CPNE9: variants seen among roughly 807,000 people sequenced by gnomAD.
The protein encoded by CPNE9 is copine-9.
In CPNE9, 59 loss-of-function variants were observed where a neutral mutation model predicts 83.0. That is an observed-to-expected ratio of 0.71 (90% CI 0.58 to 0.88). CPNE9 has a LOEUF of 0.88. CPNE9 is among the 40% of genes least tolerant of loss of function. CPNE9 has a pLI of 0.00. For missense variants in CPNE9, 619 were observed against 720.8 expected, an observed-to-expected ratio of 0.86 and a Z score of 1.62; for synonymous variants, 256 against 273.4, an observed-to-expected ratio of 0.94 and a Z score of 0.63.
chr3:9,705,172 G>GT, intron 4 of CPNE9, 178 bp downstream of exon 4: 1 of 652,818 alleles, frequency 1.5e-6, no homozygotes, highest in Non-Finnish European at 2.8e-6. Context: ...GTCCAGTTCC[G>GT]TCCCCCGCTC....
At chr3:9,710,499 G>T (rs1328510158) in intron 7 of CPNE9, among the ~76,000 whole-genome samples, 4 of 152,230 alleles carry the variant, frequency 2.6e-5, no homozygotes, top group African/African-American at 9.6e-5. Context: ...TGAGGAGAAA[G>T]AAGGAGTGAA....
In CPNE9 at chr3:9,715,309, T is replaced by A; in HGVS notation, c.713T>A (p.Phe238Tyr). ...RDGSHDFIGE[F>Y]TTSYRELSKA... ...TGCAGCCACGATTTCATTGGTGAGT[T>A]CACCACCAGCTACCGGGAGCTGAGC... The change falls in exon 12 of 21, where the codon TTC (phenylalanine) becomes TAC (tyrosine). Residue 238 changes from phenylalanine to tyrosine, a missense_variant. Coordinates refer to ENST00000383832, the MANE Select transcript of CPNE9 (RefSeq NM_153635.3). The A allele has an allele frequency of 1.2e-6, 2 of 1,614,194 alleles. No homozygotes were observed. The highest frequency in any genetic ancestry group is 1.7e-6 in the Non-Finnish European group (2 of 1,180,028).
At position 9,704,087 on chromosome 3, in the gene CPNE9, G is replaced by GT; in HGVS notation, c.68+23_68+24insT. On this transcript the variant is annotated intron_variant, in intron 1 of 20. Transcript: ENST00000383832. The surrounding 1 kb of genome is among the most constrained non-coding windows in gnomAD (Gnocchi z 7.1). ...CCGGTGAGCGGGCCGCGCTGGGGAG[G>GT]GCTTAGGCACTGGCACTGCCCCAGC... The GT allele has an allele frequency of 6.3e-7, 1 of 1,598,210 alleles. No individual in the cohort carries two copies. The highest frequency in any genetic ancestry group is 8.5e-7 in the Non-Finnish European group (1 of 1,173,466).
intron 20 of CPNE9, among the ~76,000 whole-genome samples, chr3:9,728,790 C>T (rs1355666144): frequency 1.3e-5 from 2 of 151,472 alleles, no homozygotes; most frequent in Non-Finnish European, 2.9e-5. Flanking sequence ...TCCCTAAGTC[C>T]CTCTCCTAGG....
chr3:9,710,023 A>C (rs1352328979), intron 7 of CPNE9, among the ~76,000 whole-genome samples: 1 of 151,626 alleles, frequency 6.6e-6, no homozygotes, highest in Non-Finnish European at 1.5e-5. Context: ...AAAATTTAAC[A>C]TGAGATAAAT....
chr3:9,715,967 C>T lies in CPNE9; in HGVS notation c.823-7C>T. ...AAAGTGCCAGGGCTGCCTATTCTGT[C>T]CCACAGGTGACGCTGCTCTCCTTCT... On this transcript the variant is annotated splice_polypyrimidine_tract_variant and splice_region_variant and intron_variant, in intron 13 of 20. Coordinates refer to ENST00000383832, the MANE Select transcript of CPNE9 (RefSeq NM_153635.3). 6.2e-7 allele frequency: 1 copy of T among 1,610,706 alleles called. No homozygotes were observed. Among genetic ancestry groups the T allele is most frequent in the Non-Finnish European group, 8.5e-7 (1 of 1,178,418 alleles).
intron 18 of CPNE9, 73 bp from the exon 19 acceptor site, chr3:9,726,592 A>C: frequency 3.4e-6 from 4 of 1,165,964 alleles, no homozygotes; most frequent in Non-Finnish European, 5.1e-6. Flanking sequence ...ACATACACAG[A>C]GAACTGTCTC....
chr3:9,707,812 G>T (rs916151896), intron 7 of CPNE9, among the ~76,000 whole-genome samples: 5 of 149,860 alleles, frequency 3.3e-5, no homozygotes, highest in Admixed American at 2.0e-4. Flanking sequence ...AAAAAAACGT[G>T]AAGGAGAAGC....
intron 20 of CPNE9, among the ~76,000 whole-genome samples, chr3:9,727,692 G>A (rs1221508379): frequency 1.3e-5 from 2 of 152,214 alleles, no homozygotes; most frequent in African/African-American, 4.8e-5. Flanking sequence ...CTGAGTGTGA[G>A]GAGGGAGGCA....
Position 9,704,711 on chromosome 3 carries a change from C to G in CPNE9, c.110-38C>G, listed in dbSNP as rs980938286. On this transcript the variant is annotated intron_variant, in intron 2 of 20. Transcript: ENST00000383832. This position sits in a 1 kb window ranked among gnomAD's most constrained non-coding sequence, Gnocchi z 7.1. ...GTGGAGTCGGGGCCAGGGGTGGGAG[C>G]CGACCTGACGTCCTTCCCTCCCCGC... 1.9e-6 allele frequency: 3 copies of G among 1,611,050 alleles called. No individual in the cohort carries two copies. The highest frequency in any genetic ancestry group is 2.5e-6 in the Non-Finnish European group (3 of 1,178,198).
At chr3:9,711,601 C>A (rs982012106) in intron 7 of CPNE9, among the ~76,000 whole-genome samples, 1 of 152,188 alleles carries the variant, frequency 6.6e-6, no homozygotes, top group Non-Finnish European at 1.5e-5. Flanking sequence ...AGAAATAGTT[C>A]AACTCTCATT....
intron 10 of CPNE9, among the ~76,000 whole-genome samples, chr3:9,713,947 C>T (rs968727427): frequency 6.6e-6 from 1 of 152,004 alleles, no homozygotes. Context: ...GTGGTGGGCG[C>T]CTGTAGTTCC....
At chr3:9,725,708 GTA>G (rs202177218) in intron 17 of CPNE9, among the ~76,000 whole-genome samples, 1,523 of 109,780 alleles carry the variant, frequency 0.014, 32 homozygotes, top group African/African-American at 0.04. Flanking sequence ...GTATATATGT[GTA>G]TATATGTGTA....
intron 17 of CPNE9, among the ~76,000 whole-genome samples, chr3:9,719,760 G>A (rs145484528): frequency 7.2e-5 from 11 of 152,026 alleles, no homozygotes; most frequent in Non-Finnish European, 1.5e-4. Flanking sequence ...TTGGGAGGCC[G>A]AGGTGGGTGA....
At chr3:9,705,752 G>A in intron 6 of CPNE9, 32 bp downstream of exon 6, 1 of 1,608,908 alleles carries the variant, frequency 6.2e-7, no homozygotes, top group South Asian at 1.1e-5. Flanking sequence ...CAGAGGTTGG[G>A]GGTGGGGGTG....
intron 7 of CPNE9, among the ~76,000 whole-genome samples, chr3:9,708,496 C>G (rs1203229598): frequency 6.6e-6 from 1 of 152,230 alleles, no homozygotes; most frequent in African/African-American, 2.4e-5. Flanking sequence ...CCAACCACAT[C>G]AAATGCTGCT....
At chr3:9,713,179 G>C in intron 10 of CPNE9, 100 bp downstream of exon 10, 1 of 913,216 alleles carries the variant, frequency 1.1e-6, no homozygotes, top group Non-Finnish European at 1.7e-6. Flanking sequence ...AGCGTTGGAG[G>C]GTCCTGCTCA....
intron 15 of CPNE9, 142 bp downstream of exon 15, chr3:9,717,246 T>C (rs1359662838): frequency 1.7e-5 from 13 of 784,170 alleles, no homozygotes; most frequent in Non-Finnish European, 2.2e-5. Flanking sequence ...GCCAGGAAAA[T>C]AGAGTGCAGA....
chr3:9,725,692 ATATGTG>A (rs1559646246), intron 17 of CPNE9, among the ~76,000 whole-genome samples: 253 of 137,746 alleles, frequency 1.8e-3, no homozygotes, highest in Non-Finnish European at 3.1e-3. Flanking sequence ...ATATATACAT[ATATGTG>A]TATATATGTG....
Sources: gnomAD v4.1 joint callset for allele counts (sites outside exome capture counted in the v4.1 genomes callset) on GRCh38, gnomAD v4.1.1 for gene constraint, Gnocchi (gnomAD v3.1) non-coding constraint, MANE v1.5 for transcripts, NCBI Gene and HGNC (gene_info 2026-07-23, HGNC 2026-07-21) for gene names.